Variants in AHI1 observed in about 807,000 individuals in gnomAD.
AHI1 encodes the protein jouberin.
Under a neutral mutation model 149.3 loss-of-function variants are expected in AHI1, and 123 were observed. That is an observed-to-expected ratio of 0.82 (90% confidence interval 0.71 to 0.96). The LOEUF (loss-of-function observed/expected upper bound fraction) is 0.96, where lower values mean the gene tolerates loss of function less well. Among genes scored for constraint, AHI1 ranks in the 40% least tolerant of loss-of-function variants. AHI1 has a pLI of 0.00. For missense variants in AHI1, 1,439 were observed against 1,422.7 expected, an observed-to-expected ratio of 1.01 and a Z score of -0.18; for synonymous variants, 475 against 459.8, an observed-to-expected ratio of 1.03 and a Z score of -0.42.
chr6:135,363,007 C>A (rs1251072943), intron 23 of AHI1, among the ~76,000 whole-genome samples: 4 of 150,472 alleles, frequency 2.7e-5, no homozygotes, highest in Non-Finnish European at 5.9e-5. Context: ...AGATTTAAGT[C>A]TTTCATCCAT....
At chr6:135,421,683 G>C (rs1460117536) in intron 20 of AHI1, among the ~76,000 whole-genome samples, 9 of 152,050 alleles carry the variant, frequency 5.9e-5, no homozygotes, top group Non-Finnish European at 2.9e-5. Context: ...ATGTCTTAAA[G>C]AGGAAGTCAG....
intron 20 of AHI1, among the ~76,000 whole-genome samples, chr6:135,419,269 G>A (rs541830012): frequency 1.3e-3 from 199 of 152,178 alleles, no homozygotes; most frequent in African/African-American, 4.7e-3. Flanking sequence ...TCAACTATCT[G>A]CAAATTCCCT....
intron 28 of AHI1, 118 bp downstream of exon 28, chr6:135,290,305 G>C (rs891812034): frequency 1.7e-5 from 12 of 710,120 alleles, no homozygotes; most frequent in Non-Finnish European, 2.7e-5. Context: ...ATCCCAAATG[G>C]GACTTGTCAG....
chr6:135,336,602 A>G (rs1223158053), intron 24 of AHI1, among the ~76,000 whole-genome samples: 1 of 152,166 alleles, frequency 6.6e-6, no homozygotes, highest in Non-Finnish European at 1.5e-5. Flanking sequence ...TGCCTTTACA[A>G]TAATCTCCTG....
Position 135,463,138 on chromosome 6 carries a change from CTTTTTTGTT to C in AHI1, c.909_917del (p.Thr304_Lys306del), listed in dbSNP as rs1417477245. The C allele has an allele frequency of 1.9e-6, 3 of 1,576,698 alleles. No individual in the cohort carries two copies. In the Admixed American group the frequency reaches 5.4e-5, roughly 28 times the overall value. On this transcript the variant is annotated inframe_deletion, in exon 8 of 29. Coordinates refer to ENST00000265602, the MANE Select transcript of AHI1 (RefSeq NM_001134831.2). ...TGTATAGCAAACCTGCTTTAGTCTT[CTTTTTTGTT>C]TTTTTTGGTTTAGGTTTTGTATCAT...
At chr6:135,388,497 C>T (rs1028682320) in intron 23 of AHI1, among the ~76,000 whole-genome samples, 1 of 152,146 alleles carries the variant, frequency 6.6e-6, no homozygotes, top group Non-Finnish European at 1.5e-5. Flanking sequence ...ATGGCTTATA[C>T]AAGAATATCA....
intron 5 of AHI1, among the ~76,000 whole-genome samples, chr6:135,485,906 G>C (rs1189605004): frequency 6.6e-6 from 1 of 152,088 alleles, no homozygotes; most frequent in Non-Finnish European, 1.5e-5. Context: ...GCCAAGGCAG[G>C]CACATCACCA....
intron 23 of AHI1, among the ~76,000 whole-genome samples, chr6:135,392,032 T>C (rs1235669166): frequency 6.6e-6 from 1 of 152,170 alleles, no homozygotes; most frequent in African/African-American, 2.4e-5. Flanking sequence ...AGAGTTCCAT[T>C]GGAACACATA....
At chr6:135,298,984 A>AT (rs996771390) in intron 27 of AHI1, among the ~76,000 whole-genome samples, 38 of 150,910 alleles carry the variant, frequency 2.5e-4, no homozygotes, top group East Asian at 1.4e-3. Context: ...AAACATGGTC[A>AT]TTTTTTTTTG....
At chr6:135,393,795 A>T (rs1055544056) in intron 23 of AHI1, among the ~76,000 whole-genome samples, 18 of 152,062 alleles carry the variant, frequency 1.2e-4, no homozygotes, top group Non-Finnish European at 2.4e-4. Flanking sequence ...GTGCAATCTC[A>T]TTTAAACTTC....
chr6:135,324,572 A>T (rs1311813745), intron 24 of AHI1, among the ~76,000 whole-genome samples: 2 of 148,390 alleles, frequency 1.3e-5, no homozygotes, highest in Non-Finnish European at 3.0e-5. Flanking sequence ...ATATATATAT[A>T]TTTATAGCAT....
chr6:135,484,053 G>A (rs1794120737), intron 5 of AHI1, among the ~76,000 whole-genome samples: 1 of 151,764 alleles, frequency 6.6e-6, no homozygotes, highest in Non-Finnish European at 1.5e-5. Context: ...ATGGTGGAAG[G>A]CAAGGTGGAG....
intron 23 of AHI1, among the ~76,000 whole-genome samples, chr6:135,374,027 T>G (rs988918463): frequency 6.7e-6 from 1 of 149,910 alleles, no homozygotes; most frequent in Non-Finnish European, 1.5e-5. Context: ...TTTATTACAT[T>G]CCAGTAGAAT....
intron 5 of AHI1, 63 bp downstream of exon 5, chr6:135,490,559 TG>T: frequency 6.3e-7 from 1 of 1,581,006 alleles, no homozygotes; most frequent in South Asian, 1.1e-5. Context: ...TAACATAAAA[TG>T]CAGCCATATC....
intron 25 of AHI1, among the ~76,000 whole-genome samples, chr6:135,319,938 G>A (rs767168406): frequency 1.3e-5 from 2 of 152,142 alleles, no homozygotes; most frequent in African/African-American, 4.8e-5. Flanking sequence ...TCTCTTAGAG[G>A]ACAGGCTCTC....
At chr6:135,412,376 T>A (rs1034215232) in intron 20 of AHI1, among the ~76,000 whole-genome samples, 5 of 152,216 alleles carry the variant, frequency 3.3e-5, no homozygotes, top group African/African-American at 1.2e-4. Flanking sequence ...CTGGAACCAG[T>A]CCTCTATAGA....
At position 135,350,405 on chromosome 6, in the gene AHI1, A is replaced by G. The variant is rs149133623; in HGVS notation, c.3165+7727T>C. The stretch of plus-strand genomic sequence containing the variant: ...TCTTCTTCCAGCTTTCAAAATATGA[A>G]CATACATCTAGGCCGGCTCTCTGTT... On this transcript the variant is annotated intron_variant, in intron 24 of 28. Coordinates refer to ENST00000265602, the MANE Select transcript of AHI1 (RefSeq NM_001134831.2). 4.9e-4 allele frequency among the ~76,000 whole-genome samples: 75 copies of G among 152,282 alleles called. 2 individuals carry two copies. In the East Asian group the frequency reaches 0.014, roughly 29 times the overall value.
chr6:135,297,647 C>T (rs543236497), intron 27 of AHI1, among the ~76,000 whole-genome samples: 4 of 151,964 alleles, frequency 2.6e-5, no homozygotes, highest in Non-Finnish European at 5.9e-5. Flanking sequence ...TGTGAGGTCA[C>T]ACACATGACA....
Position 135,466,377 on chromosome 6 carries a change from G to C in AHI1, c.190-4C>G. The stretch of plus-strand genomic sequence containing the variant: ...GATTGCTTCTAATAGTGTCGGGCTA[G>C]GAAAAGAAGACATGATAACAAAGTT... On this transcript the variant is annotated splice_polypyrimidine_tract_variant and splice_region_variant and intron_variant, in intron 6 of 28. Transcript: ENST00000265602. 1 of 1,608,436 alleles carries C rather than the reference G, an allele frequency of 6.2e-7. No homozygotes were observed. Among genetic ancestry groups the C allele is most frequent in the South Asian group, 1.1e-5 (1 of 89,716 alleles).
Sources: allele counts gnomAD v4.1 joint callset (sites outside exome capture counted in the v4.1 genomes callset), GRCh38; gene constraint gnomAD v4.1.1; transcripts MANE v1.5; gene names NCBI Gene and HGNC (gene_info 2026-07-23, HGNC 2026-07-21).